DYM: variants seen among roughly 807,000 people sequenced by gnomAD.
The protein encoded by DYM is dymeclin.
In DYM, 78 loss-of-function variants were observed where a neutral mutation model predicts 93.1. The observed-to-expected ratio is 0.84, with a 90% CI of 0.70 to 1.01. The LOEUF (loss-of-function observed/expected upper bound fraction) is 1.01. DYM is among the 50% of genes least tolerant of loss of function. DYM has a pLI of 0.00. For synonymous variants in DYM, 321 were observed against 319.7 expected, an observed-to-expected ratio of 1.00 and a Z score of -0.04; for missense variants, 789 against 845.0, an observed-to-expected ratio of 0.93 and a Z score of 0.82.
intron 2 of DYM, among the ~76,000 whole-genome samples, chr18:49,398,377 T>C (rs1350039393): frequency 6.6e-6 from 1 of 152,182 alleles, no homozygotes; most frequent in Non-Finnish European, 1.5e-5. Flanking sequence ...TCTCCGCTCC[T>C]GGCCACAGCT....
intron 17 of DYM, among the ~76,000 whole-genome samples, chr18:49,075,900 G>A (rs2077262684): frequency 6.6e-6 from 1 of 152,200 alleles, no homozygotes; most frequent in African/African-American, 2.4e-5. Flanking sequence ...AAGATCTGAT[G>A]TAACATGAGA....
intron 2 of DYM, among the ~76,000 whole-genome samples, chr18:49,393,027 A>G (rs868413052): frequency 3.8e-4 from 21 of 54,730 alleles, no homozygotes; most frequent in South Asian, 8.3e-4. Context: ...GAAGAGGAAG[A>G]AGGAGGAGGA....
intron 16 of DYM, among the ~76,000 whole-genome samples, chr18:49,113,783 T>G (rs1447243948): frequency 6.6e-6 from 1 of 152,218 alleles, no homozygotes; most frequent in Non-Finnish European, 1.5e-5. Context: ...TATATCTTTA[T>G]CACAGCATCT....
chr18:49,375,193 GACACACACACACAC>G (rs34631271), intron 5 of DYM, among the ~76,000 whole-genome samples: 40 of 138,000 alleles, frequency 2.9e-4, no homozygotes, highest in African/African-American at 1.0e-3. Context: ...AAGGGGAAAA[GACACACACACACAC>G]ACACACACAC....
chr18:49,392,593 T>C (rs952182006), intron 2 of DYM, among the ~76,000 whole-genome samples: 4 of 139,734 alleles, frequency 2.9e-5, no homozygotes, highest in Non-Finnish European at 6.0e-5. Flanking sequence ...AATAAGTACA[T>C]GAAAACATGC....
intron 13 of DYM, among the ~76,000 whole-genome samples, chr18:49,214,611 G>A (rs2092942695): frequency 1.3e-5 from 2 of 152,002 alleles, no homozygotes; most frequent in South Asian, 2.1e-4. Context: ...TGATAAAGGT[G>A]GAAGAGGGGC....
At chr18:49,068,798 G>T (rs569030544) in intron 17 of DYM, among the ~76,000 whole-genome samples, 1 of 152,300 alleles carries the variant, frequency 6.6e-6, no homozygotes, top group East Asian at 1.9e-4. Flanking sequence ...CTCCAGAAGT[G>T]ATTACATTCC....
intron 17 of DYM, among the ~76,000 whole-genome samples, chr18:49,078,223 A>G (rs1168650425): frequency 2.0e-5 from 3 of 152,194 alleles, no homozygotes; most frequent in African/African-American, 4.8e-5. Flanking sequence ...ACTGAATTGC[A>G]TATTTTAAAA....
chr18:49,278,445 GA>G (rs1427418495), intron 10 of DYM, among the ~76,000 whole-genome samples: 2 of 152,108 alleles, frequency 1.3e-5, no homozygotes, highest in Non-Finnish European at 2.9e-5. Flanking sequence ...CCCTGATTAA[GA>G]AAGTTACAAG....
intron 14 of DYM, among the ~76,000 whole-genome samples, chr18:49,168,816 T>C (rs2088260603): frequency 6.6e-6 from 1 of 152,154 alleles, no homozygotes; most frequent in Non-Finnish European, 1.5e-5. Context: ...CTATCTTGAC[T>C]GTGGCCTTGA....
chr18:49,301,080 G>GAA (rs1256028734), intron 8 of DYM, among the ~76,000 whole-genome samples: 1 of 152,096 alleles, frequency 6.6e-6, no homozygotes, highest in African/African-American at 2.4e-5. Flanking sequence ...ATCTTTGAAA[G>GAA]AAAGGGACAC....
intron 8 of DYM, among the ~76,000 whole-genome samples, chr18:49,315,439 G>T (rs1355781306): frequency 6.6e-6 from 1 of 152,264 alleles, no homozygotes. Flanking sequence ...TGAGTTTTAT[G>T]TACTATGAAG....
chr18:49,391,449 C>T, intron 3 of DYM, 144 bp downstream of exon 3: 3 of 800,778 alleles, frequency 3.7e-6, no homozygotes, highest in South Asian at 2.9e-5. Flanking sequence ...CTTCTAGCAG[C>T]ATCTGTGAAT....
At chr18:49,323,276 C>A (rs1308698761) in intron 8 of DYM, among the ~76,000 whole-genome samples, 3 of 152,240 alleles carry the variant, frequency 2.0e-5, no homozygotes, top group East Asian at 1.9e-4. Context: ...CTCACCAACA[C>A]CACTAAGCAG....
chr18:49,088,289 G>A (rs1281101190), intron 17 of DYM, among the ~76,000 whole-genome samples: 4 of 152,054 alleles, frequency 2.6e-5, no homozygotes, highest in Non-Finnish European at 5.9e-5. Flanking sequence ...ATTAATTTTT[G>A]TATAAGGTGT....
intron 14 of DYM, among the ~76,000 whole-genome samples, chr18:49,195,014 T>C (rs1338595164): frequency 2.0e-5 from 3 of 152,092 alleles, no homozygotes; most frequent in Non-Finnish European, 2.9e-5. Flanking sequence ...TTTTTCCAAT[T>C]TTGTGTTTAA....
chr18:49,266,451 C>T (rs1480656449), intron 11 of DYM, among the ~76,000 whole-genome samples: 1 of 152,004 alleles, frequency 6.6e-6, no homozygotes, highest in East Asian at 1.9e-4. Context: ...CCCATCTCCA[C>T]AGAACAAAAA....
intron 14 of DYM, among the ~76,000 whole-genome samples, chr18:49,168,579 C>A (rs1447346347): frequency 6.6e-6 from 1 of 152,114 alleles, no homozygotes; most frequent in Non-Finnish European, 1.5e-5. Flanking sequence ...CTGTGAAGGG[C>A]CGCTTTATGG....
chr18:49,397,880 T>G (rs2070306960), intron 2 of DYM, among the ~76,000 whole-genome samples: 1 of 152,224 alleles, frequency 6.6e-6, no homozygotes, highest in African/African-American at 2.4e-5. Context: ...TACATTAAAA[T>G]TAAATTCACC....
Sources: gnomAD v4.1 joint callset for allele counts (sites outside exome capture counted in the v4.1 genomes callset) on GRCh38, gnomAD v4.1.1 for gene constraint, MANE v1.5 for transcripts, NCBI Gene and HGNC (gene_info 2026-07-23, HGNC 2026-07-21) for gene names.